The following PLCL2 variants were observed in gnomAD, a reference collection of about 807,000 sequenced individuals.
The protein encoded by PLCL2 is phospholipase C like 2, also known as inactive phospholipase C-like protein 2.
Under a neutral mutation model 79.6 loss-of-function variants are expected in PLCL2, and 4 were observed. The ratio of observed to expected loss-of-function variants is 0.05; its 90% CI spans 0.02 to 0.11. The LOEUF (loss-of-function observed/expected upper bound fraction) is 0.11, where lower values mean the gene tolerates loss of function less well. PLCL2 is among the 10% of genes least tolerant of loss of function. The pLI, the probability that PLCL2 is intolerant of heterozygous loss-of-function variation, is 1.00. For synonymous variants in PLCL2, 484 were observed against 457.7 expected, an observed-to-expected ratio of 1.06 and a Z score of -0.73; for missense variants, 895 against 1,291.0, an observed-to-expected ratio of 0.69 and a Z score of 4.70.
Position 17,059,778 on chromosome 3 carries a change from G to T in PLCL2, c.3095-8178G>T, listed in dbSNP as rs557879239. On this transcript the variant is annotated intron_variant, in intron 4 of 5. Transcript: ENST00000615277. ...GAGGCTGGGAGATGGGGAAAGGAAA[G>T]ACAGTTCCCTGTATTTCAGTTTATA... Among the ~76,000 whole-genome samples the T allele has an allele frequency of 6.6e-5, 10 of 152,266 alleles. 1 individual carries two copies. The highest frequency in any genetic ancestry group is 2.4e-4 in the African/African-American group (10 of 41,552).
At chr3:17,071,544 T>G (rs940428225) in intron 5 of PLCL2, among the ~76,000 whole-genome samples, 4 of 152,204 alleles carry the variant, frequency 2.6e-5, no homozygotes, top group Admixed American at 2.0e-4. Flanking sequence ...CTCTGAGAAA[T>G]AACCATTATT....
intron 1 of PLCL2, among the ~76,000 whole-genome samples, chr3:16,896,598 A>G (rs889344686): frequency 6.6e-6 from 1 of 152,226 alleles, no homozygotes; most frequent in Admixed American, 6.5e-5. Context: ...CTCTTCACAT[A>G]ACAGTTTTCT....
intron 1 of PLCL2, among the ~76,000 whole-genome samples, chr3:16,899,588 C>T (rs74908446): frequency 0.01 from 1,564 of 152,164 alleles, 35 homozygotes; most frequent in African/African-American, 0.036. Flanking sequence ...TGTGTTTTCT[C>T]CTCTTTTTTC....
chr3:17,030,618 CA>C (rs1393302408), intron 3 of PLCL2, among the ~76,000 whole-genome samples: 3 of 152,174 alleles, frequency 2.0e-5, no homozygotes, highest in African/African-American at 4.8e-5. Context: ...GTTATGTGGT[CA>C]ACATCAGGAA....
chr3:17,023,942 C>T (rs1356627078), intron 3 of PLCL2, among the ~76,000 whole-genome samples: 1 of 152,170 alleles, frequency 6.6e-6, no homozygotes, highest in Non-Finnish European at 1.5e-5. Flanking sequence ...GACACCATCC[C>T]CATCACACTT....
chr3:17,051,171 G>C lies in PLCL2; in HGVS notation c.3094+8222G>C, dbSNP rs559105181. On this transcript the variant is annotated intron_variant, in intron 4 of 5. Transcript: ENST00000615277. ...GAAAGGCAATGGGAGGTCAGGGCGG[G>C]GGAGGTGGGGATGGTTAATGCGTAC... Among the ~76,000 whole-genome samples the C allele has an allele frequency of 2.7e-4, 41 of 152,248 alleles. 1 individual carries two copies. Among genetic ancestry groups the C allele is most frequent in the Admixed American group, 2.2e-3 (33 of 15,288 alleles).
At chr3:16,976,526 CA>C (rs2063927332) in intron 1 of PLCL2, among the ~76,000 whole-genome samples, 1 of 152,182 alleles carries the variant, frequency 6.6e-6, no homozygotes, top group Non-Finnish European at 1.5e-5. Context: ...TACTTAAAGT[CA>C]ATTTATTTAC....
chr3:17,061,800 TCA>T (rs1295888822), intron 4 of PLCL2, among the ~76,000 whole-genome samples: 2 of 152,216 alleles, frequency 1.3e-5, no homozygotes, highest in Admixed American at 1.3e-4. Context: ...TGGGCAGTCC[TCA>T]CCATGAACTG....
intron 4 of PLCL2, among the ~76,000 whole-genome samples, chr3:17,061,759 A>T (rs1447709623): frequency 6.6e-6 from 1 of 152,190 alleles, no homozygotes; most frequent in African/African-American, 2.4e-5. Context: ...AAAATTTAAC[A>T]TTATAGCTAT....
At chr3:16,945,239 T>C (rs1009934674) in intron 1 of PLCL2, among the ~76,000 whole-genome samples, 1 of 150,320 alleles carries the variant, frequency 6.7e-6, no homozygotes, top group African/African-American at 2.4e-5. Context: ...CACAAACACA[T>C]ACACACACAC....
At chr3:17,020,585 T>G (rs1181952293) in intron 3 of PLCL2, among the ~76,000 whole-genome samples, 1 of 152,182 alleles carries the variant, frequency 6.6e-6, no homozygotes, top group Non-Finnish European at 1.5e-5. Context: ...AGTCTTGATT[T>G]TAATTGCCTT....
chr3:16,935,311 T>C (rs566741104), intron 1 of PLCL2, among the ~76,000 whole-genome samples: 1 of 152,292 alleles, frequency 6.6e-6, no homozygotes, highest in Non-Finnish European at 1.5e-5. Flanking sequence ...CCCTTTGTCT[T>C]TTCTATTTGT....
intron 5 of PLCL2, among the ~76,000 whole-genome samples, chr3:17,083,996 A>G (rs2065190425): frequency 6.6e-6 from 1 of 152,214 alleles, no homozygotes; most frequent in Non-Finnish European, 1.5e-5. Context: ...AAATCAGTAA[A>G]ACCAAAAGCT....
At chr3:16,902,893 C>T (rs1302847708) in intron 1 of PLCL2, among the ~76,000 whole-genome samples, 1 of 144,448 alleles carries the variant, frequency 6.9e-6, no homozygotes, top group African/African-American at 2.6e-5. Context: ...NGCGCATGTG[C>T]ATGCTTTGGA....
At chr3:16,957,183 T>C (rs2063713947) in intron 1 of PLCL2, among the ~76,000 whole-genome samples, 1 of 152,212 alleles carries the variant, frequency 6.6e-6, no homozygotes, top group Non-Finnish European at 1.5e-5. Flanking sequence ...TAAATTTCCC[T>C]CTACACACTG....
intron 1 of PLCL2, 74 bp downstream of exon 1, chr3:16,885,440 G>T: frequency 1.9e-6 from 1 of 539,912 alleles, no homozygotes. Flanking sequence ...GGGGAGTGGT[G>T]GTGGAAGGAG....
In PLCL2 at chr3:16,887,972, A is replaced by G. The variant is rs1281792212; in HGVS notation, c.327+2606A>G. On this transcript the variant is annotated intron_variant, in intron 1 of 5. Coordinates refer to ENST00000615277, the MANE Select transcript of PLCL2 (RefSeq NM_001144382.2). This position sits in a 1 kb window ranked among gnomAD's most constrained non-coding sequence, Gnocchi z 4.1. ...GTGATAATTGGGGACTTGAGGGAATAGCAGGGAGTGAATGCTACCTGGGGA... is the reference window on the plus strand; with the variant it reads ...GTGATAATTGGGGACTTGAGGGAATGGCAGGGAGTGAATGCTACCTGGGGA... 2.6e-5 allele frequency among the ~76,000 whole-genome samples: 4 copies of G among 152,086 alleles called. No individual in the cohort carries two copies. The highest frequency in any genetic ancestry group is 4.4e-5 in the Non-Finnish European group (3 of 68,020).
chr3:17,053,479 C>T (rs781292357), intron 4 of PLCL2, among the ~76,000 whole-genome samples: 135 of 152,258 alleles, frequency 8.9e-4, no homozygotes, highest in Non-Finnish European at 1.5e-3. Context: ...GGTGGAGACA[C>T]AGATTCAAAC....
intron 1 of PLCL2, among the ~76,000 whole-genome samples, chr3:16,892,241 G>T (rs180696220): frequency 6.6e-6 from 1 of 152,280 alleles, no homozygotes; most frequent in Admixed American, 6.5e-5. Flanking sequence ...GAAAACAAAG[G>T]AAATACCTTC....
Sources: allele counts gnomAD v4.1 joint callset (sites outside exome capture counted in the v4.1 genomes callset), GRCh38; gene constraint gnomAD v4.1.1; non-coding constraint Gnocchi (gnomAD v3.1); transcripts MANE v1.5; gene names NCBI Gene and HGNC (gene_info 2026-07-23, HGNC 2026-07-21).